The following GOT1 variants were observed in gnomAD, a reference collection of about 807,000 sequenced individuals.
The protein encoded by GOT1 is aspartate aminotransferase, cytoplasmic.
A neutral mutation model predicts 48.2 loss-of-function variants in GOT1; 25 were observed. The ratio of observed to expected loss-of-function variants is 0.52; its 90% CI spans 0.38 to 0.72. GOT1 has a LOEUF of 0.72. GOT1 is among the 30% of genes least tolerant of loss of function. The pLI is 0.00. For synonymous variants in GOT1, 188 were observed against 193.8 expected (o/e 0.97, Z 0.25); for missense variants, 380 against 520.1 (o/e 0.73, Z 2.62).
At chr10:99,426,129 C>CT (rs2033035401) in intron 1 of GOT1, among the ~76,000 whole-genome samples, 1 of 152,044 alleles carries the variant, frequency 6.6e-6, no homozygotes. Context: ...GATCCATGTG[C>CT]TTTTTTAAAA....
At chr10:99,423,803 C>T (rs1368167074) in intron 1 of GOT1, among the ~76,000 whole-genome samples, 1 of 151,980 alleles carries the variant, frequency 6.6e-6, no homozygotes, top group African/African-American at 2.4e-5. Flanking sequence ...CATTCACCAC[C>T]AGGACCAGCT....
At chr10:99,413,569 A>G (rs1355193911) in intron 2 of GOT1, among the ~76,000 whole-genome samples, 2 of 152,228 alleles carry the variant, frequency 1.3e-5, no homozygotes, top group Non-Finnish European at 2.9e-5. Context: ...GCCAACATTC[A>G]AATTCAGGAA....
intron 8 of GOT1, among the ~76,000 whole-genome samples, chr10:99,399,510 C>A (rs1258107065): frequency 6.6e-6 from 1 of 152,162 alleles, no homozygotes; most frequent in Non-Finnish European, 1.5e-5. Flanking sequence ...GTGGCTCATG[C>A]CTGTAATCCA....
At chr10:99,426,152 T>C (rs954838873) in intron 1 of GOT1, among the ~76,000 whole-genome samples, 1 of 152,042 alleles carries the variant, frequency 6.6e-6, no homozygotes, top group Non-Finnish European at 1.5e-5. Flanking sequence ...AAGAGATGTC[T>C]AGAGAAAGCC....
At chr10:99,409,937 A>G (rs1434758444) in intron 2 of GOT1, among the ~76,000 whole-genome samples, 1 of 152,264 alleles carries the variant, frequency 6.6e-6, no homozygotes, top group Non-Finnish European at 1.5e-5. Context: ...AGGTGTGAGC[A>G]TCTGTGAAAG....
chr10:99,403,272 T>C (rs1169892167), intron 7 of GOT1, among the ~76,000 whole-genome samples, 197 bp downstream of exon 7: 1 of 152,186 alleles, frequency 6.6e-6, no homozygotes, highest in Non-Finnish European at 1.5e-5. Context: ...TGCCCCCTCC[T>C]GTCTTCCAGG....
rs1239166409 is a variant in GOT1 at position 99,397,006 on chromosome 10, T to A, written c.*541A>T. 6.5e-6 allele frequency: 1 copy of A among 154,152 alleles called. No individual in the cohort carries two copies. Among genetic ancestry groups the A allele is most frequent in the Non-Finnish European group, 1.4e-5 (1 of 69,226 alleles). The allele number at this position is 154,152 out of a possible 1,614,324, so 9.5% of individuals were successfully genotyped here. ...CTTGTTTCAGTTAAATATGTACGTG[T>A]CCGTGCATGTCATGATTAAATATCC... is the stretch of plus-strand genomic sequence containing the variant. On this transcript the variant is annotated 3_prime_UTR_variant, in exon 9 of 9. Coordinates refer to ENST00000370508, the MANE Select transcript of GOT1 (RefSeq NM_002079.3). This position sits in a 1 kb window ranked among gnomAD's most constrained non-coding sequence, Gnocchi z 5.4.
At chr10:99,417,889 C>T (rs564501523) in intron 2 of GOT1, among the ~76,000 whole-genome samples, 16 of 152,074 alleles carry the variant, frequency 1.1e-4, no homozygotes, top group African/African-American at 3.4e-4. Context: ...ACATCACACA[C>T]GGGTCCTGTT....
chr10:99,420,422 G>A, intron 2 of GOT1: 1 of 526,100 alleles, frequency 1.9e-6, no homozygotes, highest in South Asian at 2.7e-5. Context: ...GATCTACTGG[G>A]CAAAACTGAA....
At chr10:99,410,614 C>T (rs2032816835) in intron 2 of GOT1, among the ~76,000 whole-genome samples, 1 of 152,168 alleles carries the variant, frequency 6.6e-6, no homozygotes, top group African/African-American at 2.4e-5. Flanking sequence ...TTATCACTCC[C>T]TAAAAATCTA....
chr10:99,403,418 TA>T (rs763382165), intron 7 of GOT1, 50 bp downstream of exon 7: 1 of 1,437,892 alleles, frequency 7.0e-7, no homozygotes, highest in Non-Finnish European at 9.6e-7. Context: ...CTGGGACAAT[TA>T]CTGTTCTGCA....
chr10:99,405,520 GAC>G (rs138777645), intron 5 of GOT1, among the ~76,000 whole-genome samples: 23,774 of 143,394 alleles, frequency 0.17, 2,511 homozygotes, highest in African/African-American at 0.31. Context: ...CATAAAACTA[GAC>G]ACACACACAC....
At chr10:99,429,217 T>C (rs2033081205) in intron 1 of GOT1, among the ~76,000 whole-genome samples, 1 of 152,032 alleles carries the variant, frequency 6.6e-6, no homozygotes, top group South Asian at 2.1e-4. Context: ...GCCCGGATAC[T>C]TTTTTGTATT....
intron 5 of GOT1, among the ~76,000 whole-genome samples, chr10:99,404,822 C>A (rs1017418247): frequency 2.0e-5 from 3 of 152,162 alleles, no homozygotes; most frequent in African/African-American, 7.2e-5. Context: ...ACTCACACTC[C>A]CCATGATGTC....
At chr10:99,417,024 G>C (rs2032904931) in intron 2 of GOT1, among the ~76,000 whole-genome samples, 1 of 152,176 alleles carries the variant, frequency 6.6e-6, no homozygotes, top group Admixed American at 6.6e-5. Context: ...CATGGGCAAG[G>C]ACTTCATGTC....
At chr10:99,413,483 C>T (rs1020110942) in intron 2 of GOT1, among the ~76,000 whole-genome samples, 7 of 152,064 alleles carry the variant, frequency 4.6e-5, no homozygotes, top group East Asian at 1.9e-4. Context: ...CTGAAAGTGA[C>T]GGGGAGAATG....
chr10:99,405,830 G>T lies in GOT1; in HGVS notation c.568C>A (p.His190Asn). ...CCAGTTGGGTTGTGTGCACAGGCGT[G>T]GAGGACAACAATGGAGAACTCAGGA... ...NAPEFSIVVL[H>N]ACAHNPTGID... Residue 190 changes from histidine to asparagine, a missense_variant, in exon 5 of 9, where the codon CAC (histidine) becomes AAC (asparagine). By Grantham distance (68) the His-to-Asn change is moderately conservative. Transcript: ENST00000370508. 1 of 1,609,332 alleles carries T rather than the reference G, an allele frequency of 6.2e-7. No individual in the cohort carries two copies. Among genetic ancestry groups the T allele is most frequent in the South Asian group, 1.1e-5 (1 of 90,996 alleles).
chr10:99,424,900 C>A (rs2033019330), intron 1 of GOT1, among the ~76,000 whole-genome samples: 2 of 152,198 alleles, frequency 1.3e-5, no homozygotes, highest in Admixed American at 1.3e-4. Flanking sequence ...GCATTAACAA[C>A]AACCACTATT....
At chr10:99,401,336 T>C (rs1472940333) in intron 8 of GOT1, among the ~76,000 whole-genome samples, 1 of 152,222 alleles carries the variant, frequency 6.6e-6, no homozygotes, top group Non-Finnish European at 1.5e-5. Context: ...ATACAAGCTC[T>C]ATTAACTGCC....
Sources: allele counts gnomAD v4.1 joint callset (sites outside exome capture counted in the v4.1 genomes callset), GRCh38; gene constraint gnomAD v4.1.1; non-coding constraint Gnocchi (gnomAD v3.1); transcripts MANE v1.5; gene names NCBI Gene and HGNC (gene_info 2026-07-23, HGNC 2026-07-21).